Variants in CETN3 observed in about 807,000 individuals in gnomAD.
CETN3 encodes the protein centrin 3, also known as centrin-3.
Under a neutral mutation model 20.1 loss-of-function variants are expected in CETN3, and 17 were observed. The observed-to-expected ratio is 0.85, with a 90% CI of 0.58 to 1.27. The LOEUF (loss-of-function observed/expected upper bound fraction) is 1.27, where lower values mean the gene tolerates loss of function less well. CETN3 is among the 50% of genes most tolerant of loss of function. The pLI, the probability that CETN3 is intolerant of heterozygous loss-of-function variation, is 0.00. For missense variants in CETN3, 169 were observed against 191.2 expected, an observed-to-expected ratio of 0.88 and a Z score of 0.69; for synonymous variants, 52 against 59.7, an observed-to-expected ratio of 0.87 and a Z score of 0.59.
At chr5:90,399,700 G>A (rs568142041) in intron 3 of CETN3, 151 bp from the exon 4 acceptor site, 41 of 620,962 alleles carry the variant, frequency 6.6e-5, no homozygotes, top group Admixed American at 4.0e-4. Context: ...CCCAAACCCC[G>A]AGATAAACCT....
rs756488910 is a variant in CETN3, at chr5:90,392,296, A to C, written c.*1768T>G. ...CTGTTTTATTTTTCACTTTCCTGGA[A>C]ATCAATATATTTCATGATCAAGACA... On this transcript the variant is annotated 3_prime_UTR_variant, in exon 5 of 5. Coordinates refer to ENST00000283122, the MANE Select transcript of CETN3 (RefSeq NM_004365.4). 22 of 152,198 alleles carry C rather than the reference A, an allele frequency of 1.4e-4. No individual in the cohort carries two copies. Among genetic ancestry groups the C allele is most frequent in the Admixed American group, 3.3e-4 (5 of 15,284 alleles). The allele number at this position is 152,198 out of a possible 1,614,324, so 9.4% of individuals were successfully genotyped here.
intron 2 of CETN3, among the ~76,000 whole-genome samples, 198 bp from the exon 3 acceptor site, chr5:90,405,997 T>G (rs1749428479): frequency 6.6e-6 from 1 of 152,186 alleles, no homozygotes; most frequent in Non-Finnish European, 1.5e-5. Flanking sequence ...TTTTTTCATT[T>G]ATAAATTGCA....
chr5:90,394,751 A>G (rs1379203743), intron 4 of CETN3, among the ~76,000 whole-genome samples: 1 of 152,070 alleles, frequency 6.6e-6, no homozygotes, highest in Non-Finnish European at 1.5e-5. Flanking sequence ...GTAAAGGCAG[A>G]AAATAATCAT....
chr5:90,393,870 C>G lies in CETN3; in HGVS notation c.*194G>C. The G allele has an allele frequency of 2.3e-6, 1 of 429,236 alleles. No individual in the cohort carries two copies. Among genetic ancestry groups the G allele is most frequent in the East Asian group, 3.8e-5 (1 of 26,344 alleles). 26.6% of individuals were successfully genotyped at this position (429,236 alleles called of 1,614,324 possible). A position where few individuals can be genotyped will look rare whatever the true frequency, so the allele number is the denominator to read the frequency against. On this transcript the variant is annotated 3_prime_UTR_variant, in exon 5 of 5. Transcript: ENST00000283122. ...TAAAAGCTCTATTATAAATACAAAGCTAAACTATCTGAGTACTAACAACAC... is the reference window on the plus strand; with the variant it reads ...TAAAAGCTCTATTATAAATACAAAGGTAAACTATCTGAGTACTAACAACAC...
intron 3 of CETN3, among the ~76,000 whole-genome samples, chr5:90,402,198 A>G (rs1749308974): frequency 6.6e-6 from 1 of 152,120 alleles, no homozygotes; most frequent in Non-Finnish European, 1.5e-5. Context: ...CGCCATCCTC[A>G]GCGAAAAAAA....
chr5:90,407,961 TTA>T (rs1749500375), intron 1 of CETN3, 127 bp from the exon 2 acceptor site: 1 of 749,452 alleles, frequency 1.3e-6, no homozygotes, highest in Non-Finnish European at 2.0e-6. Flanking sequence ...AACTTTCCCT[TTA>T]TGAGTCAATG....
intron 3 of CETN3, among the ~76,000 whole-genome samples, chr5:90,403,456 T>C (rs1749352722): frequency 6.6e-6 from 1 of 152,234 alleles, no homozygotes; most frequent in African/African-American, 2.4e-5. Flanking sequence ...AGCTGAAGTT[T>C]AGCCACATCT....
intron 2 of CETN3, among the ~76,000 whole-genome samples, chr5:90,406,353 G>A (rs902430811): frequency 4.6e-5 from 7 of 151,954 alleles, no homozygotes; most frequent in African/African-American, 1.7e-4. Context: ...TTGAAGGATA[G>A]ATGAAGAGGA....
At position 90,406,280 on chromosome 5, in the gene CETN3, T is replaced by C. The variant is rs75697125; in HGVS notation, c.154-481A>G. ...GAGAAAAAAGAGATTTTGTTACTAA[T>C]AATAAGGAAGGAGACATATTACTGA... is the stretch of plus-strand genomic sequence containing the variant. On this transcript the variant is annotated intron_variant, in intron 2 of 4. Transcript: ENST00000283122. Among the ~76,000 whole-genome samples the C allele has an allele frequency of 9.6e-4, 146 of 152,124 alleles. No homozygotes were observed. In the Middle Eastern group the frequency reaches 0.014, roughly 14 times the overall value.
intron 1 of CETN3, 57 bp downstream of exon 1, chr5:90,409,588 C>G: frequency 6.2e-7 from 1 of 1,606,904 alleles, no homozygotes; most frequent in Non-Finnish European, 8.5e-7. Context: ...TCCACACACA[C>G]CCTCCCTGGG....
At chr5:90,403,875 G>GAAAAA (rs60385437) in intron 3 of CETN3, among the ~76,000 whole-genome samples, 59 of 86,734 alleles carry the variant, frequency 6.8e-4, no homozygotes, top group South Asian at 1.0e-3. Flanking sequence ...TGTCTCAAAA[G>GAAAAA]AAAAAAAAAA....
At chr5:90,394,531 T>C (rs1196393544) in intron 4 of CETN3, among the ~76,000 whole-genome samples, 1 of 151,962 alleles carries the variant, frequency 6.6e-6, no homozygotes, top group Non-Finnish European at 1.5e-5. Flanking sequence ...ATATCATGCA[T>C]GTAAATTAGA....
At chr5:90,400,253 AAATC>A (rs2151882653) in intron 3 of CETN3, among the ~76,000 whole-genome samples, 1 of 152,344 alleles carries the variant, frequency 6.6e-6, no homozygotes, top group East Asian at 1.9e-4. Flanking sequence ...TTGTTTGGAT[AAATC>A]ACTCTCAGAC....
At chr5:90,405,884 T>C (rs1749426054) in intron 2 of CETN3, 85 bp from the exon 3 acceptor site, 3 of 776,038 alleles carry the variant, frequency 3.9e-6, no homozygotes, top group Non-Finnish European at 6.4e-6. Flanking sequence ...TCTTAAGAGA[T>C]GACAACACAT....
At chr5:90,406,592 T>G (rs923911870) in intron 2 of CETN3, among the ~76,000 whole-genome samples, 6 of 151,734 alleles carry the variant, frequency 4.0e-5, no homozygotes, top group African/African-American at 1.5e-4. Context: ...GTAGAGAACA[T>G]TCAGTAGAAA....
At chr5:90,402,404 A>G (rs1749316619) in intron 3 of CETN3, among the ~76,000 whole-genome samples, 1 of 152,108 alleles carries the variant, frequency 6.6e-6, no homozygotes, top group Non-Finnish European at 1.5e-5. Flanking sequence ...TCATTTCCCT[A>G]TGTCTAGCCC....
intron 1 of CETN3, among the ~76,000 whole-genome samples, chr5:90,409,427 GAAAT>G (rs1472657441): frequency 6.6e-6 from 1 of 152,168 alleles, no homozygotes; most frequent in Non-Finnish European, 1.5e-5. Context: ...CGCGCTGACA[GAAAT>G]AACCTCCTTA....
At chr5:90,401,174 C>A (rs1014525510) in intron 3 of CETN3, among the ~76,000 whole-genome samples, 1 of 152,082 alleles carries the variant, frequency 6.6e-6, no homozygotes, top group Non-Finnish European at 1.5e-5. Context: ...TATTTCAGAG[C>A]TATGTGTCTA....
intron 1 of CETN3, among the ~76,000 whole-genome samples, chr5:90,408,382 C>G (rs1056012852): frequency 6.6e-6 from 1 of 152,122 alleles, no homozygotes; most frequent in Non-Finnish European, 1.5e-5. Context: ...TTAGATTACA[C>G]GTTTTTAACA....
Sources: gnomAD v4.1 joint callset for allele counts (sites outside exome capture counted in the v4.1 genomes callset) on GRCh38, gnomAD v4.1.1 for gene constraint, MANE v1.5 for transcripts, NCBI Gene and HGNC (gene_info 2026-07-23, HGNC 2026-07-21) for gene names.